The following ATP6V1A variants were observed in gnomAD, a reference collection of about 807,000 sequenced individuals.
ATP6V1A encodes ATPase H+ transporting V1 subunit A.
A neutral mutation model predicts 70.1 loss-of-function variants in ATP6V1A; 18 were observed. That is an observed-to-expected ratio of 0.26 (90% CI 0.18 to 0.38). The LOEUF (loss-of-function observed/expected upper bound fraction) is 0.38. ATP6V1A is among the 10% of genes least tolerant of loss of function. ATP6V1A has a pLI of 1.00. For missense variants in ATP6V1A, 424 were observed against 772.4 expected (o/e 0.55, Z 5.35); for synonymous variants, 232 against 253.8 (o/e 0.91, Z 0.82).
chr3:113,772,843 A>G (rs1278490433), intron 1 of ATP6V1A, among the ~76,000 whole-genome samples: 1 of 151,888 alleles, frequency 6.6e-6, no homozygotes, highest in Admixed American at 6.6e-5. Flanking sequence ...TGTATTTACA[A>G]CCACCTCTCT....
At chr3:113,782,170 A>G (rs1368348147) in intron 3 of ATP6V1A, among the ~76,000 whole-genome samples, 1 of 152,212 alleles carries the variant, frequency 6.6e-6, no homozygotes, top group Non-Finnish European at 1.5e-5. Context: ...GCAGATAACT[A>G]GTCTCTTTAT....
intron 5 of ATP6V1A, 50 bp from the exon 6 acceptor site, chr3:113,786,182 A>G (rs967289193): frequency 2.6e-6 from 4 of 1,511,836 alleles, no homozygotes; most frequent in South Asian, 1.3e-5. Context: ...TTTTGAAGGA[A>G]GAAATGTTCA....
Position 113,768,879 on chromosome 3 carries a change from G to A in ATP6V1A, c.-13-9862G>A, listed in dbSNP as rs111903109. On this transcript the variant is annotated intron_variant, in intron 1 of 14. Transcript: ENST00000273398. ...CCAAAGTGCTGGGATTACAGCCACC[G>A]TGCCCAGCTGCCTGCATCTTTTAAA... Among the ~76,000 whole-genome samples, 114 of 152,084 alleles carry A rather than the reference G, an allele frequency of 7.5e-4. 3 individuals are homozygous for A. The highest frequency in any genetic ancestry group is 2.4e-3 in the African/African-American group (100 of 41,520).
At chr3:113,784,196 G>A in intron 3 of ATP6V1A, 28 bp from the exon 4 acceptor site, 1 of 1,589,904 alleles carries the variant, frequency 6.3e-7, no homozygotes, top group Non-Finnish European at 8.6e-7. Flanking sequence ...AACCTTCATA[G>A]TAGGTTTTCC....
At chr3:113,793,002 A>G (rs756171162) in intron 8 of ATP6V1A, among the ~76,000 whole-genome samples, 6 of 151,982 alleles carry the variant, frequency 3.9e-5, no homozygotes, top group Non-Finnish European at 7.4e-5. Flanking sequence ...CTTTTGGATG[A>G]TAGTTGTTTT....
chr3:113,791,259 G>A (rs1709088848), intron 8 of ATP6V1A, among the ~76,000 whole-genome samples: 1 of 151,946 alleles, frequency 6.6e-6, no homozygotes, highest in African/African-American at 2.4e-5. Flanking sequence ...AGGATAAATG[G>A]TATTTATTCT....
chr3:113,790,206 G>A (rs1709076414), intron 8 of ATP6V1A, among the ~76,000 whole-genome samples: 1 of 148,684 alleles, frequency 6.7e-6, no homozygotes, highest in African/African-American at 2.5e-5. Context: ...GGGAGGCTGA[G>A]ACAGGAGAAT....
At chr3:113,795,646 G>A (rs192469693) in intron 10 of ATP6V1A, among the ~76,000 whole-genome samples, 153 of 151,912 alleles carry the variant, frequency 1.0e-3, no homozygotes, top group African/African-American at 3.1e-3. Flanking sequence ...TCTCATAATA[G>A]AAGGTGTTCT....
At chr3:113,786,094 T>C in intron 5 of ATP6V1A, 138 bp from the exon 6 acceptor site, 1 of 546,512 alleles carries the variant, frequency 1.8e-6, no homozygotes, top group South Asian at 8.9e-5. Context: ...TATAATTAAT[T>C]ATAATAAAAA....
chr3:113,756,345 A>G (rs1708646785), intron 1 of ATP6V1A, among the ~76,000 whole-genome samples: 1 of 152,220 alleles, frequency 6.6e-6, no homozygotes, highest in South Asian at 2.1e-4. Flanking sequence ...AACATTTTGT[A>G]CATCTACAAT....
intron 14 of ATP6V1A, among the ~76,000 whole-genome samples, chr3:113,806,607 T>C (rs1424693063): frequency 5.3e-5 from 8 of 151,964 alleles, no homozygotes; most frequent in Non-Finnish European, 1.0e-4. Flanking sequence ...TACAGGTGCC[T>C]GCCACCACGC....
At chr3:113,748,060 C>T (rs1010791106) in intron 1 of ATP6V1A, among the ~76,000 whole-genome samples, 2 of 152,206 alleles carry the variant, frequency 1.3e-5, no homozygotes, top group African/African-American at 2.4e-5. Flanking sequence ...TGAATTGGCA[C>T]TCCCAATCTA....
intron 8 of ATP6V1A, 67 bp from the exon 9 acceptor site, chr3:113,794,805 G>C: frequency 6.6e-7 from 1 of 1,524,738 alleles, no homozygotes. Context: ...GTTTTCTTAA[G>C]GGTGGAAAAA....
chr3:113,782,542 C>CTCTCTCTCTA (rs749059556), intron 3 of ATP6V1A, among the ~76,000 whole-genome samples: 6 of 141,168 alleles, frequency 4.3e-5, no homozygotes, highest in African/African-American at 1.6e-4. Context: ...CTCTCTCTCT[C>CTCTCTCTCTA]TATATATATA....
Position 113,809,437 on chromosome 3 carries a change from A to C in ATP6V1A, c.*10A>C. The C allele has an allele frequency of 6.2e-7, 1 of 1,608,730 alleles. No homozygotes were observed. The highest frequency in any genetic ancestry group is 8.5e-7 in the Non-Finnish European group (1 of 1,175,996). On this transcript the variant is annotated 3_prime_UTR_variant, in exon 15 of 15. Transcript: ENST00000273398. ...TAGCCTTGAAGATTAGAAGCCTTGAAGATTACAACTGTGATTTCCTTTTCC... is the reference window on the plus strand; with the variant it reads ...TAGCCTTGAAGATTAGAAGCCTTGACGATTACAACTGTGATTTCCTTTTCC...
In ATP6V1A at chr3:113,803,620, T is replaced by C. The variant is rs1709240005; in HGVS notation, c.1532T>C (p.Val511Ala). 3.7e-6 allele frequency: 6 copies of C among 1,612,314 alleles called. No individual in the cohort carries two copies. The South Asian group carries it at 4.4e-5, about 12-fold the overall frequency. The change falls in exon 13 of 15, where the codon GTA becomes GCA. Residue 511 changes from valine to alanine, a missense_variant. Transcript: ENST00000273398. Reference protein sequence around the residue: ...LAETDKITLEVAKLIKDDFLQ... With the variant: ...LAETDKITLEAAKLIKDDFLQ... ...GAAACAGATAAAATCACTCTGGAGGTAGCAAAACTTATCAAAGATGATTTC... is the reference window on the plus strand; with the variant it reads ...GAAACAGATAAAATCACTCTGGAGGCAGCAAAACTTATCAAAGATGATTTC...
intron 1 of ATP6V1A, among the ~76,000 whole-genome samples, chr3:113,753,693 CT>C (rs11375661): frequency 8.4e-4 from 118 of 141,076 alleles, no homozygotes; most frequent in Middle Eastern, 7.5e-3. Flanking sequence ...TATCATGTGT[CT>C]TTTTTTTTTT....
In ATP6V1A at chr3:113,763,157, A is replaced by G. The variant is rs187875602; in HGVS notation, c.-13-15584A>G. On this transcript the variant is annotated intron_variant, in intron 1 of 14. Transcript: ENST00000273398. ...CTAGGCTGTGGAGTGCAGTGGCGCA[A>G]TCTCGGCTCACTGCAGCCTCCGCTT... is the stretch of plus-strand genomic sequence containing the variant. Among the ~76,000 whole-genome samples, 705 of 152,136 alleles carry G rather than the reference A, an allele frequency of 4.6e-3. 15 individuals carry two copies. Among genetic ancestry groups the G allele is most frequent in the Admixed American group, 0.034 (515 of 15,254 alleles).
At chr3:113,793,977 A>G (rs748153605) in intron 8 of ATP6V1A, among the ~76,000 whole-genome samples, 21 of 152,132 alleles carry the variant, frequency 1.4e-4, no homozygotes, top group Non-Finnish European at 2.2e-4. Flanking sequence ...TTCATCTGCC[A>G]TATATACAAG....
Sources: allele counts gnomAD v4.1 joint callset (sites outside exome capture counted in the v4.1 genomes callset), GRCh38; gene constraint gnomAD v4.1.1; transcripts MANE v1.5; gene names NCBI Gene and HGNC (gene_info 2026-07-23, HGNC 2026-07-21).